The following COG3 variants were observed in gnomAD, a reference collection of about 807,000 sequenced individuals.
COG3 encodes the protein conserved oligomeric Golgi complex subunit 3.
In COG3, 32 loss-of-function variants were observed where a neutral mutation model predicts 114.1. That is an observed-to-expected ratio of 0.28 (90% confidence interval 0.21 to 0.38). COG3 has a LOEUF of 0.38. COG3 is among the 10% of genes least tolerant of loss of function. The pLI is 1.00. For synonymous variants in COG3, 352 were observed against 365.7 expected (o/e 0.96, Z 0.43); for missense variants, 813 against 973.2 (o/e 0.84, Z 2.19).
chr13:45,506,539 G>A (rs1870168636), intron 14 of COG3, among the ~76,000 whole-genome samples: 1 of 152,202 alleles, frequency 6.6e-6, no homozygotes, highest in Non-Finnish European at 1.5e-5. Flanking sequence ...TAATAAGAAT[G>A]CGATTCTGCG....
chr13:45,471,292 C>T (rs536060779), intron 1 of COG3, among the ~76,000 whole-genome samples: 14 of 152,096 alleles, frequency 9.2e-5, no homozygotes, highest in Middle Eastern at 3.4e-3. Flanking sequence ...TGGTGGTGCA[C>T]GCCTGCAGCT....
chr13:45,482,476 A>G lies in COG3; in HGVS notation c.717+3A>G, dbSNP rs1202250773. On this transcript the variant is annotated splice_donor_region_variant and intron_variant, in intron 6 of 22. Transcript: ENST00000349995. ...GTATAACATATATCTCATCTCATGT[A>G]AGTCAGAGTATTTTTGCATGTTTTA... 1 of 1,358,574 alleles carries G rather than the reference A, an allele frequency of 7.4e-7. No individual in the cohort carries two copies. Among genetic ancestry groups the G allele is most frequent in the East Asian group, 2.4e-5 (1 of 41,530 alleles). 84.2% of individuals were successfully genotyped at this position (1,358,574 alleles called of 1,614,324 possible).
intron 1 of COG3, chr13:45,465,528 C>A: frequency 3.8e-6 from 1 of 265,306 alleles, no homozygotes; most frequent in Non-Finnish European, 7.2e-6. Context: ...CCAGACGAGG[C>A]GTCCTGTCAG....
intron 16 of COG3, among the ~76,000 whole-genome samples, chr13:45,512,916 T>A (rs78956431): frequency 6.6e-6 from 1 of 151,940 alleles, no homozygotes; most frequent in African/African-American, 2.4e-5. Context: ...CACTTAGCGG[T>A]TTACAGTTTT....
chr13:45,492,107 C>A, intron 10 of COG3, 52 bp from the exon 11 acceptor site: 1 of 1,078,058 alleles, frequency 9.3e-7, no homozygotes, highest in Non-Finnish European at 1.4e-6. Flanking sequence ...TCATAAACAT[C>A]AGAAATGTTG....
intron 1 of COG3, chr13:45,466,431 T>A (rs1885145572): frequency 6.6e-6 from 1 of 152,218 alleles, no homozygotes. Context: ...TTTAGAGATT[T>A]GATTTAAACG....
At position 45,530,748 on chromosome 13, in the gene COG3, A is replaced by G. The variant is rs1239259522; in HGVS notation, c.2425A>G (p.Ile809Val). 2.5e-6 allele frequency: 4 copies of G among 1,613,418 alleles called. No homozygotes were observed. The highest frequency in any genetic ancestry group is 8.5e-7 in the Non-Finnish European group (1 of 1,179,362). The change falls in exon 22 of 23, where the codon ATC becomes GTC. Residue 809 changes from isoleucine to valine, a missense_variant. Coordinates refer to ENST00000349995, the MANE Select transcript of COG3 (RefSeq NM_031431.4). The part of the protein sequence containing the change: ...LLKEEFSPED[I>V]QIIACPSMEQ... ...AAAGGAAGAGTTCAGCCCTGAAGAC[A>G]TCCAGATCATTGCCTGTCCATCTAT...
At chr13:45,484,406 A>G (rs899980609) in intron 7 of COG3, among the ~76,000 whole-genome samples, 1 of 152,172 alleles carries the variant, frequency 6.6e-6, no homozygotes, top group Admixed American at 6.5e-5. Flanking sequence ...TCCTACATTC[A>G]GTGAGTGGCA....
Position 45,504,076 on chromosome 13 carries a change from C to T in COG3, c.1594+727C>T, listed in dbSNP as rs1475257911. Among the ~76,000 whole-genome samples, 3 of 152,188 alleles carry T rather than the reference C, an allele frequency of 2.0e-5. No individual in the cohort carries two copies. The South Asian group carries it at 6.2e-4, about 32-fold the overall frequency. On this transcript the variant is annotated intron_variant, in intron 14 of 22. Transcript: ENST00000349995. ...TAGATGGGAAGTAAGCCATCTCTTC[C>T]CCACCCAGCTATAAGAGTGGCCCTA...
chr13:45,503,167 T>C (rs1468108165), intron 13 of COG3, 77 bp from the exon 14 acceptor site: 4 of 680,192 alleles, frequency 5.9e-6, no homozygotes, highest in East Asian at 2.7e-5. Context: ...TATATATATG[T>C]ACTTTGTATA....
At chr13:45,530,552 C>T (rs560073963) in intron 21 of COG3, 130 bp from the exon 22 acceptor site, 10 of 611,872 alleles carry the variant, frequency 1.6e-5, no homozygotes, top group South Asian at 9.6e-5. Flanking sequence ...GCAAATTATG[C>T]GTCTTTGGTA....
chr13:45,483,390 ATTG>A (rs779904418), intron 7 of COG3, 35 bp downstream of exon 7: 15 of 1,495,026 alleles, frequency 1.0e-5, no homozygotes, highest in African/African-American at 7.1e-5. Context: ...GGTTTTTGTT[ATTG>A]TTGTTGTTTT....
chr13:45,490,815 A>T, intron 8 of COG3, 100 bp from the exon 9 acceptor site: 1 of 551,660 alleles, frequency 1.8e-6, no homozygotes, highest in African/African-American at 2.0e-5. Context: ...TCTTATATTT[A>T]CAGTTTTTCT....
intron 20 of COG3, among the ~76,000 whole-genome samples, chr13:45,526,813 C>T (rs1216106560): frequency 6.6e-6 from 1 of 152,168 alleles, no homozygotes; most frequent in East Asian, 1.9e-4. Context: ...ACTGGAAATT[C>T]TAATCATAGT....
chr13:45,529,461 A>G (rs1205001013), intron 20 of COG3, among the ~76,000 whole-genome samples: 1 of 147,444 alleles, frequency 6.8e-6, no homozygotes, highest in African/African-American at 2.7e-5. Context: ...CTCTCTGAAA[A>G]TGACTTTTTT....
chr13:45,493,209 C>G, intron 11 of COG3, 138 bp from the exon 12 acceptor site: 1 of 637,756 alleles, frequency 1.6e-6, no homozygotes, highest in Non-Finnish European at 2.6e-6. Flanking sequence ...CCTTATCATT[C>G]TATAATGTCC....
Position 45,492,265 on chromosome 13 carries a change from A to C in COG3, c.1187+15A>C. Reference sequence around the variant, plus strand: ...TCAAAATTAGAGTAGGTGGACATGGAATCTAACTCTTGTTCATAAAATTTA... The same window carrying C: ...TCAAAATTAGAGTAGGTGGACATGGCATCTAACTCTTGTTCATAAAATTTA... On this transcript the variant is annotated intron_variant, in intron 11 of 22. Coordinates refer to ENST00000349995, the MANE Select transcript of COG3 (RefSeq NM_031431.4). 6.8e-7 allele frequency: 1 copy of C among 1,461,326 alleles called. No homozygotes were observed. Among genetic ancestry groups the C allele is most frequent in the Non-Finnish European group, 9.6e-7 (1 of 1,046,808 alleles). 90.5% of individuals were successfully genotyped at this position (1,461,326 alleles called of 1,614,324 possible). A position where few individuals can be genotyped will look rare whatever the true frequency, so the allele number is the denominator to read the frequency against.
Position 45,530,789 on chromosome 13 carries a change from T to C in COG3, c.2457+9T>C. The C allele has an allele frequency of 6.2e-7, 1 of 1,607,240 alleles. No individual in the cohort carries two copies. The highest frequency in any genetic ancestry group is 2.2e-5 in the East Asian group (1 of 44,814). On this transcript the variant is annotated intron_variant, in intron 22 of 22. Coordinates refer to ENST00000349995, the MANE Select transcript of COG3 (RefSeq NM_031431.4). The stretch of plus-strand genomic sequence containing the variant: ...GTCCATCTATGGAACAGGTAATGGG[T>C]AGACTGAAGATCCTTATTACTTTTA...
intron 22 of COG3, chr13:45,531,181 A>G: frequency 2.1e-6 from 1 of 487,084 alleles, no homozygotes; most frequent in Non-Finnish European, 2.7e-6. Flanking sequence ...ATTTGGCTAC[A>G]CGAGTAAGTT....
Sources: allele counts gnomAD v4.1 joint callset (sites outside exome capture counted in the v4.1 genomes callset), GRCh38; gene constraint gnomAD v4.1.1; transcripts MANE v1.5; gene names NCBI Gene and HGNC (gene_info 2026-07-23, HGNC 2026-07-21).